Variants in FAR2 observed in about 807,000 individuals in gnomAD.
The protein encoded by FAR2 is fatty acyl-CoA reductase 2, also known as epididymis secretory protein Li 81.
FAR2 carries 19 observed loss-of-function variants against 56.0 expected under a neutral mutation model. The ratio of observed to expected loss-of-function variants is 0.34; its 90% CI spans 0.24 to 0.50. The LOEUF is 0.50. Ranked by LOEUF, FAR2 falls within the 20% of genes least tolerant of loss-of-function variation. The pLI is 0.98. For synonymous variants in FAR2, 219 were observed against 218.8 expected (o/e 1.00, Z -0.01); for missense variants, 508 against 642.2 (o/e 0.79, Z 2.26).
At chr12:29,248,660 A>T (rs1487174444) in intron 1 of FAR2, among the ~76,000 whole-genome samples, 1 of 152,200 alleles carries the variant, frequency 6.6e-6, no homozygotes, top group Admixed American at 6.5e-5. Flanking sequence ...AACTGGTCTG[A>T]CCAAAATTAT....
chr12:29,245,019 C>T (rs2882294), intron 1 of FAR2, among the ~76,000 whole-genome samples: 76,286 of 150,804 alleles, frequency 0.51, 19,507 homozygotes, highest in East Asian at 0.64. Context: ...TCTCACTCTA[C>T]GGCCATGCTG....
At chr12:29,156,864 T>G (rs1289696551) in intron 1 of FAR2, 1 of 151,310 alleles carries the variant, frequency 6.6e-6, no homozygotes, top group Non-Finnish European at 1.5e-5. Context: ...GAACGTAGAG[T>G]CAGAAAATAA....
At chr12:29,231,738 C>T (rs1947861209) in intron 1 of FAR2, among the ~76,000 whole-genome samples, 1 of 152,110 alleles carries the variant, frequency 6.6e-6, no homozygotes, top group Non-Finnish European at 1.5e-5. Flanking sequence ...GAAAATGATG[C>T]GTGCAGATAC....
intron 1 of FAR2, among the ~76,000 whole-genome samples, chr12:29,250,320 A>G (rs1414275692): frequency 1.3e-5 from 2 of 152,154 alleles, no homozygotes; most frequent in Non-Finnish European, 2.9e-5. Context: ...GGTCCAACCA[A>G]TCTCTCCTGG....
chr12:29,204,100 A>G (rs1263614545), intron 1 of FAR2, among the ~76,000 whole-genome samples: 5 of 152,188 alleles, frequency 3.3e-5, no homozygotes, highest in South Asian at 2.1e-4. Context: ...TTTGTAATCA[A>G]TAACTTGGCA....
In FAR2 at chr12:29,251,076, T is replaced by C. The variant is rs1948201627; in HGVS notation, c.-38-19336T>C. 2.6e-5 allele frequency among the ~76,000 whole-genome samples: 4 copies of C among 152,210 alleles called. No individual in the cohort carries two copies. The South Asian group carries it at 8.3e-4, about 31-fold the overall frequency. ...TGAAGAGACCTGTGGCATTGGCTAG[T>C]TGATTAGGATGTTCCTAGAAGTGAA... On this transcript the variant is annotated intron_variant, in intron 1 of 11. Transcript: ENST00000536681.
intron 2 of FAR2, among the ~76,000 whole-genome samples, chr12:29,278,929 T>A (rs577680048): frequency 6.6e-6 from 1 of 152,232 alleles, no homozygotes; most frequent in East Asian, 1.9e-4. Flanking sequence ...GGATTTAAGA[T>A]ACTATCGAAC....
chr12:29,268,810 C>A (rs142581077), intron 1 of FAR2, among the ~76,000 whole-genome samples: 1 of 151,936 alleles, frequency 6.6e-6, no homozygotes, highest in African/African-American at 2.4e-5. Flanking sequence ...GCTGGGCATC[C>A]GGGGGAGACA....
intron 2 of FAR2, among the ~76,000 whole-genome samples, chr12:29,275,814 C>A (rs543112418): frequency 4.6e-5 from 7 of 152,128 alleles, no homozygotes; most frequent in Non-Finnish European, 7.3e-5. Flanking sequence ...TTTTATAACA[C>A]GGCAACATTG....
At chr12:29,183,682 C>T (rs1039015078) in intron 1 of FAR2, among the ~76,000 whole-genome samples, 6 of 152,204 alleles carry the variant, frequency 3.9e-5, no homozygotes, top group Admixed American at 3.3e-4. Flanking sequence ...TGAAATATGG[C>T]TATAGTGTTT....
At chr12:29,206,132 T>G (rs895674652) in intron 1 of FAR2, among the ~76,000 whole-genome samples, 20 of 152,240 alleles carry the variant, frequency 1.3e-4, no homozygotes, top group Admixed American at 6.5e-5. Flanking sequence ...CCCAAGGGAA[T>G]GGATGAGGAC....
At position 29,211,238 on chromosome 12, in the gene FAR2, C is replaced by T. The variant is rs114678182; in HGVS notation, c.-38-59174C>T. On this transcript the variant is annotated intron_variant, in intron 1 of 11. Transcript: ENST00000536681. ...CCTGGGAAGCGGAGGTTGTAGTGACCGGAGATCACGCCACTGCACTCCGGC... is the reference window on the plus strand; with the variant it reads ...CCTGGGAAGCGGAGGTTGTAGTGACTGGAGATCACGCCACTGCACTCCGGC... 2.0e-3 allele frequency among the ~76,000 whole-genome samples: 302 copies of T among 152,026 alleles called. 2 individuals are homozygous for T. Among genetic ancestry groups the T allele is most frequent in the African/African-American group, 6.8e-3 (282 of 41,462 alleles).
chr12:29,277,589 G>A (rs1948721436), intron 2 of FAR2: 1 of 152,188 alleles, frequency 6.6e-6, no homozygotes, highest in Non-Finnish European at 1.5e-5. Context: ...GTACTGTGAA[G>A]ACAAAGAACA....
chr12:29,173,831 G>A (rs899994314), intron 1 of FAR2, among the ~76,000 whole-genome samples: 1 of 152,126 alleles, frequency 6.6e-6, no homozygotes, highest in Admixed American at 6.5e-5. Context: ...CTACGCAGCA[G>A]CAGAAACACT....
At chr12:29,203,414 G>A (rs946083861) in intron 1 of FAR2, among the ~76,000 whole-genome samples, 1 of 152,164 alleles carries the variant, frequency 6.6e-6, no homozygotes, top group African/African-American at 2.4e-5. Flanking sequence ...ATAATTCTTG[G>A]TTTTTGGTAC....
At chr12:29,186,774 AT>A (rs1565685666) in intron 1 of FAR2, among the ~76,000 whole-genome samples, 1 of 21,600 alleles carries the variant, frequency 4.6e-5, no homozygotes, top group Non-Finnish European at 2.5e-4. Context: ...TTATTTATTT[AT>A]TTATTTATTT....
chr12:29,221,025 T>C (rs1947682644), intron 1 of FAR2, among the ~76,000 whole-genome samples: 1 of 152,092 alleles, frequency 6.6e-6, no homozygotes, highest in Non-Finnish European at 1.5e-5. Context: ...TGGCGCAGTG[T>C]GTTTACTGGA....
chr12:29,241,156 A>G (rs1948028255), intron 1 of FAR2, among the ~76,000 whole-genome samples: 1 of 152,206 alleles, frequency 6.6e-6, no homozygotes, highest in Non-Finnish European at 1.5e-5. Flanking sequence ...AATGTGTACT[A>G]AAGAAAGATT....
In FAR2 at chr12:29,299,195, A is replaced by G. The variant is rs189364420; in HGVS notation, c.545+1995A>G. 3.2e-3 allele frequency among the ~76,000 whole-genome samples: 473 copies of G among 148,122 alleles called. 2 individuals are homozygous for G. The highest frequency in any genetic ancestry group is 6.8e-3 in the Middle Eastern group (2 of 292). On this transcript the variant is annotated intron_variant, in intron 4 of 11. Coordinates refer to ENST00000536681, the MANE Select transcript of FAR2 (RefSeq NM_001271783.2). ...ACCATTGCACCCCAGCCTGGTCAACAAGAGCAAAACTTTGTCTCAAAAAAA... is the reference window on the plus strand; with the variant it reads ...ACCATTGCACCCCAGCCTGGTCAACGAGAGCAAAACTTTGTCTCAAAAAAA...
Sources: allele counts gnomAD v4.1 joint callset (sites outside exome capture counted in the v4.1 genomes callset), GRCh38; gene constraint gnomAD v4.1.1; transcripts MANE v1.5; gene names NCBI Gene and HGNC (gene_info 2026-07-23, HGNC 2026-07-21).